Variants in RNF180 observed in about 807,000 individuals in gnomAD.
RNF180 encodes ring finger protein 180, also known as E3 ubiquitin-protein ligase RNF180.
RNF180 carries 38 observed loss-of-function variants against 59.2 expected under a neutral mutation model. That is an observed-to-expected ratio of 0.64 (90% CI 0.50 to 0.84). The LOEUF (loss-of-function observed/expected upper bound fraction) is 0.84. Ranked by LOEUF, RNF180 falls within the 40% of genes least tolerant of loss-of-function variation. The probability of loss-of-function intolerance (pLI) is 0.00; values close to 1 mark genes in which losing one functional copy is unlikely to be tolerated. For missense variants in RNF180, 705 were observed against 700.9 expected (o/e 1.01, Z -0.07); for synonymous variants, 262 against 240.3 (o/e 1.09, Z -0.84).
intron 7 of RNF180, among the ~76,000 whole-genome samples, chr5:64,347,951 G>T (rs1723401941): frequency 6.6e-6 from 1 of 152,024 alleles, no homozygotes; most frequent in Non-Finnish European, 1.5e-5. Context: ...AATAATTCAA[G>T]ATTTTGTTGA....
intron 5 of RNF180, among the ~76,000 whole-genome samples, chr5:64,256,537 C>T (rs898706704): frequency 6.6e-6 from 1 of 152,114 alleles, no homozygotes; most frequent in Non-Finnish European, 1.5e-5. Context: ...TTTCTGAGGG[C>T]TCTGTTCTGT....
intron 1 of RNF180, among the ~76,000 whole-genome samples, chr5:64,167,861 T>C (rs920234856): frequency 6.6e-6 from 1 of 152,180 alleles, no homozygotes; most frequent in African/African-American, 2.4e-5. Flanking sequence ...AAAAGAATGG[T>C]GATGTGTCCT....
chr5:64,220,684 T>C (rs1741277017), intron 5 of RNF180, among the ~76,000 whole-genome samples: 1 of 152,118 alleles, frequency 6.6e-6, no homozygotes, highest in South Asian at 2.1e-4. Flanking sequence ...CATTCTACTA[T>C]ATTTGTATTT....
intron 4 of RNF180, among the ~76,000 whole-genome samples, chr5:64,215,323 G>A (rs1388929659): frequency 6.6e-6 from 1 of 151,802 alleles, no homozygotes; most frequent in Admixed American, 6.6e-5. Flanking sequence ...TCAGTGTGTT[G>A]TAAACAGAAC....
At chr5:64,322,296 T>G (rs764560595) in intron 5 of RNF180, among the ~76,000 whole-genome samples, 5 of 151,780 alleles carry the variant, frequency 3.3e-5, no homozygotes, top group Non-Finnish European at 7.4e-5. Flanking sequence ...TATAAGAAAC[T>G]TAAATTTAAA....
At chr5:64,176,606 C>G (rs1750250712) in intron 1 of RNF180, among the ~76,000 whole-genome samples, 1 of 152,048 alleles carries the variant, frequency 6.6e-6, no homozygotes, top group Non-Finnish European at 1.5e-5. Context: ...GAAATTGAAA[C>G]TCCTGAGTTT....
intron 5 of RNF180, among the ~76,000 whole-genome samples, chr5:64,225,294 C>T (rs1461251629): frequency 5.3e-5 from 8 of 151,066 alleles, no homozygotes; most frequent in African/African-American, 2.0e-4. Context: ...TTGGCCCGGC[C>T]GCCCCGTCTG....
chr5:64,302,776 CT>C (rs1743223592), intron 5 of RNF180, among the ~76,000 whole-genome samples: 1 of 151,624 alleles, frequency 6.6e-6, no homozygotes, highest in Admixed American at 6.6e-5. Context: ...CCCTGATCTA[CT>C]TTTGTCCAAG....
intron 5 of RNF180, among the ~76,000 whole-genome samples, chr5:64,322,905 C>T (rs1295256961): frequency 6.6e-6 from 1 of 151,728 alleles, no homozygotes; most frequent in Non-Finnish European, 1.5e-5. Context: ...GATGGGTGCA[C>T]CAAAATCTCA....
At chr5:64,235,397 CT>C (rs939946737) in intron 5 of RNF180, among the ~76,000 whole-genome samples, 4 of 152,154 alleles carry the variant, frequency 2.6e-5, no homozygotes, top group East Asian at 1.9e-4. Context: ...TTACAAAGAT[CT>C]TTTTTTCTAC....
chr5:64,363,006 A>C (rs1746317365), intron 7 of RNF180, among the ~76,000 whole-genome samples: 1 of 151,238 alleles, frequency 6.6e-6, no homozygotes, highest in South Asian at 2.1e-4. Context: ...GTTTGCAAAA[A>C]TTTTCTCTCA....
chr5:64,250,896 C>G (rs1037315280), intron 5 of RNF180, among the ~76,000 whole-genome samples: 1 of 152,098 alleles, frequency 6.6e-6, no homozygotes, highest in Admixed American at 6.6e-5. Flanking sequence ...GACAGACACA[C>G]TACAATAAAA....
At chr5:64,311,975 A>G (rs1382152104) in intron 5 of RNF180, among the ~76,000 whole-genome samples, 6 of 152,042 alleles carry the variant, frequency 3.9e-5, no homozygotes, top group Non-Finnish European at 7.4e-5. Context: ...TTTGGATAGT[A>G]TGATGGTACA....
At chr5:64,261,568 G>A (rs1351653176) in intron 5 of RNF180, among the ~76,000 whole-genome samples, 2 of 152,106 alleles carry the variant, frequency 1.3e-5, no homozygotes, top group South Asian at 2.1e-4. Context: ...GTTATAGGAT[G>A]TTATTTATTT....
chr5:64,359,528 G>A (rs1746162566), intron 7 of RNF180, among the ~76,000 whole-genome samples: 1 of 151,874 alleles, frequency 6.6e-6, no homozygotes. Context: ...GTAGATTCTG[G>A]ATATTAGCCC....
Position 64,255,644 on chromosome 5 carries a change from G to A in RNF180, c.1227+38248G>A, listed in dbSNP as rs142305999. ...TTCCAAGTCTTTGCTATTGTGAATA[G>A]TGCCACAATAAACATACATATGCAT... is the stretch of plus-strand genomic sequence containing the variant. On this transcript the variant is annotated intron_variant, in intron 5 of 7. Coordinates refer to ENST00000389100, the MANE Select transcript of RNF180 (RefSeq NM_001113561.2). Among the ~76,000 whole-genome samples the A allele has an allele frequency of 6.9e-3, 1,047 of 152,222 alleles. 12 individuals are homozygous for A. The highest frequency in any genetic ancestry group is 0.022 in the African/African-American group (927 of 41,516).
At chr5:64,181,308 G>T (rs1281921330) in intron 1 of RNF180, among the ~76,000 whole-genome samples, 1 of 152,174 alleles carries the variant, frequency 6.6e-6, no homozygotes, top group Non-Finnish European at 1.5e-5. Flanking sequence ...ATCCAATCAA[G>T]TTGACACTCA....
intron 7 of RNF180, among the ~76,000 whole-genome samples, chr5:64,353,783 C>T (rs951315108): frequency 7.3e-5 from 11 of 151,526 alleles, no homozygotes; most frequent in South Asian, 2.1e-4. Context: ...CTTCGCTGAC[C>T]GCATAGAATG....
intron 6 of RNF180, among the ~76,000 whole-genome samples, chr5:64,327,265 T>C (rs1402024266): frequency 1.3e-5 from 2 of 152,142 alleles, no homozygotes; most frequent in Non-Finnish European, 2.9e-5. Flanking sequence ...GTTGTTGTTT[T>C]CTTAGTCTCA....
Sources: gnomAD v4.1 joint callset for allele counts (sites outside exome capture counted in the v4.1 genomes callset) on GRCh38, gnomAD v4.1.1 for gene constraint, MANE v1.5 for transcripts, NCBI Gene and HGNC (gene_info 2026-07-23, HGNC 2026-07-21) for gene names.